ZC4H2: variants seen among roughly 807,000 people sequenced by gnomAD.
ZC4H2 encodes the protein zinc finger C4H2 domain-containing protein.
For synonymous variants in ZC4H2, 84 were observed against 66.3 expected, an observed-to-expected ratio of 1.27 and a Z score of -1.30; for missense variants, 137 against 173.9, an observed-to-expected ratio of 0.79 and a Z score of 1.19.
chrX:64,966,743 A>T (rs1931606257), intron 1 of ZC4H2, among the ~76,000 whole-genome samples: 1 of 112,275 alleles, frequency 8.9e-6, no homozygotes, highest in Admixed American at 9.4e-5. Flanking sequence ...GCATCAAGAA[A>T]AAGCCACTCT....
chrX:64,926,203 CAAT>C (rs1929415556), intron 1 of ZC4H2, among the ~76,000 whole-genome samples: 1 of 110,807 alleles, frequency 9.0e-6, no homozygotes, highest in African/African-American at 3.3e-5. Flanking sequence ...GGGGTGAAGA[CAAT>C]AAGGGGGTAT....
At chrX:64,942,339 T>C (rs1212429999) in intron 1 of ZC4H2, among the ~76,000 whole-genome samples, 3 of 111,029 alleles carry the variant, frequency 2.7e-5, no homozygotes, top group East Asian at 5.7e-4. Context: ...CAAAACCAGC[T>C]CCTAGATTCA....
chrX:64,979,126 A>G (rs1932035452), upstream of ZC4H2, among the ~76,000 whole-genome samples: 2 of 112,081 alleles, frequency 1.8e-5, no homozygotes, highest in South Asian at 7.4e-4. Context: ...TGAGACCAAG[A>G]GAGGCAAAGG....
intron 1 of ZC4H2, among the ~76,000 whole-genome samples, chrX:64,939,382 C>A (rs1930161053): frequency 1.8e-5 from 2 of 111,702 alleles, no homozygotes; most frequent in South Asian, 7.5e-4. Flanking sequence ...TTTATAGATT[C>A]AATGCTATCC....
chrX:65,009,940 C>G (rs1478590020), intron 1 of ZC4H2, among the ~76,000 whole-genome samples: 9 of 112,142 alleles, frequency 8.0e-5, no homozygotes, highest in Non-Finnish European at 1.9e-5. Flanking sequence ...GAGTTCCTGA[C>G]ACTACATAAC....
chrX:64,969,557 T>C (rs1931704473), intron 1 of ZC4H2, among the ~76,000 whole-genome samples: 1 of 112,222 alleles, frequency 8.9e-6, no homozygotes. Flanking sequence ...TAGGTATAAC[T>C]GGCCAGGTCT....
Position 64,917,913 on chromosome X carries a change from G to A in ZC4H2, c.562-17C>T. 1 of 1,195,733 alleles carries A rather than the reference G, an allele frequency of 8.4e-7. No individual in the cohort carries two copies. The highest frequency in any genetic ancestry group is 1.7e-5 in the African/African-American group (1 of 57,178). ...CAAGCAGGCCTGGTGAGGGACACAG[G>A]AAAAAGAAAGTTAGTAGTCAGATTC... On this transcript the variant is annotated splice_polypyrimidine_tract_variant and intron_variant, in intron 4 of 4. Transcript: ENST00000374839.
intron 1 of ZC4H2, among the ~76,000 whole-genome samples, chrX:64,951,764 G>C (rs1175738583): frequency 1.8e-5 from 2 of 110,917 alleles, no homozygotes; most frequent in Non-Finnish European, 3.8e-5. Context: ...TGCTCACTCT[G>C]ATGGTAGTTT....
chrX:65,020,171 C>T (rs773151011), intron 1 of ZC4H2, among the ~76,000 whole-genome samples: 47 of 111,570 alleles, frequency 4.2e-4, no homozygotes, highest in Admixed American at 7.6e-4. Flanking sequence ...CATTCAAATT[C>T]GGAAAATACA....
At chrX:64,978,745 A>T (rs5964892), upstream of ZC4H2, among the ~76,000 whole-genome samples, 22,323 of 109,780 alleles carry the variant, frequency 0.2, 5,437 homozygotes, top group African/African-American at 0.69. Flanking sequence ...GGAAAAAAAA[A>T]ATATATATAT....
rs908611409 is a variant in ZC4H2, at chrX:64,948,676, C to T, written c.54-26688G>A. 2.7e-5 allele frequency among the ~76,000 whole-genome samples: 3 copies of T among 111,505 alleles called. No homozygotes were observed. In the East Asian group the frequency reaches 8.5e-4, roughly 31 times the overall value. ...CTACATAATTAAAATTACTTACTTG[C>T]CAGGTTTTCTACCAAAAATTAAAAT... On this transcript the variant is annotated intron_variant, in intron 1 of 4. Coordinates refer to ENST00000374839, the MANE Select transcript of ZC4H2 (RefSeq NM_018684.4).
At chrX:65,032,049 C>CT (rs960446550) in intron 1 of ZC4H2, among the ~76,000 whole-genome samples, 2 of 111,074 alleles carry the variant, frequency 1.8e-5, no homozygotes, top group Non-Finnish European at 3.8e-5. Context: ...ATAGAGAGGT[C>CT]TGTTTGTTGT....
intron 1 of ZC4H2, among the ~76,000 whole-genome samples, chrX:64,970,983 A>G (rs778947262): frequency 8.9e-6 from 1 of 111,982 alleles, no homozygotes. Flanking sequence ...TGAGAAATGA[A>G]TTTCACCTCA....
At chrX:64,946,615 G>A (rs1014088901) in intron 1 of ZC4H2, among the ~76,000 whole-genome samples, 23 of 99,352 alleles carry the variant, frequency 2.3e-4, no homozygotes, top group African/African-American at 8.9e-4. Flanking sequence ...ACACACACAC[G>A]TCTATTTAAA....
chrX:64,927,031 A>T (rs1328411139), intron 1 of ZC4H2, among the ~76,000 whole-genome samples: 1 of 111,856 alleles, frequency 8.9e-6, no homozygotes, highest in Non-Finnish European at 1.9e-5. Context: ...TGTGGCTGAA[A>T]ATATTTTCTC....
intron 1 of ZC4H2, among the ~76,000 whole-genome samples, chrX:64,963,680 T>C (rs1317734430): frequency 9.0e-6 from 1 of 110,877 alleles, no homozygotes; most frequent in Non-Finnish European, 1.9e-5. Flanking sequence ...AATAAATATA[T>C]AAAAATATAT....
At chrX:64,980,925 G>A (rs918339648), upstream of ZC4H2, among the ~76,000 whole-genome samples, 2 of 110,936 alleles carry the variant, frequency 1.8e-5, no homozygotes, top group Non-Finnish European at 3.8e-5. Flanking sequence ...ACTAATTGAG[G>A]ATAATAGGAC....
At chrX:65,018,760 A>T (rs772431838) in intron 1 of ZC4H2, among the ~76,000 whole-genome samples, 5 of 111,310 alleles carry the variant, frequency 4.5e-5, no homozygotes, top group Non-Finnish European at 7.5e-5. Flanking sequence ...ATCCCCATGA[A>T]GCTGAGCAAG....
chrX:64,941,197 T>A (rs941500259), intron 1 of ZC4H2, among the ~76,000 whole-genome samples: 5 of 112,055 alleles, frequency 4.5e-5, no homozygotes, highest in Non-Finnish European at 9.4e-5. Flanking sequence ...TCTCTGTGTG[T>A]CTATTATTGG....
Sources: gnomAD v4.1 joint callset for allele counts (sites outside exome capture counted in the v4.1 genomes callset) on GRCh38, gnomAD v4.1.1 for gene constraint, MANE v1.5 for transcripts, NCBI Gene and HGNC (gene_info 2026-07-23, HGNC 2026-07-21) for gene names.